Variants in DLG2 observed in about 807,000 individuals in gnomAD.
The protein encoded by DLG2 is discs large MAGUK scaffold protein 2.
In DLG2, 45 loss-of-function variants were observed where a neutral mutation model predicts 132.5. The observed-to-expected ratio is 0.34, with a 90% CI of 0.27 to 0.44. The LOEUF (loss-of-function observed/expected upper bound fraction) is 0.44, where lower values mean the gene tolerates loss of function less well. Ranked by LOEUF, DLG2 falls within the 20% of genes least tolerant of loss-of-function variation. DLG2 has a pLI of 1.00. For synonymous variants in DLG2, 424 were observed against 419.6 expected, an observed-to-expected ratio of 1.01 and a Z score of -0.13; for missense variants, 1,045 against 1,196.9, an observed-to-expected ratio of 0.87 and a Z score of 1.87.
At chr11:83,919,532 A>G (rs2077484136) in intron 15 of DLG2, among the ~76,000 whole-genome samples, 1 of 152,112 alleles carries the variant, frequency 6.6e-6, no homozygotes, top group African/African-American at 2.4e-5. Context: ...TTATTTTCTT[A>G]TTTCTCCTTT....
At chr11:85,420,900 A>G (rs2090247759) in intron 3 of DLG2, among the ~76,000 whole-genome samples, 1 of 152,198 alleles carries the variant, frequency 6.6e-6, no homozygotes, top group Non-Finnish European at 1.5e-5. Context: ...ACTGAGCTAG[A>G]CCACTTGGCT....
At chr11:84,057,781 G>A (rs1013321200) in intron 11 of DLG2, among the ~76,000 whole-genome samples, 1 of 152,068 alleles carries the variant, frequency 6.6e-6, no homozygotes, top group Admixed American at 6.6e-5. Flanking sequence ...ACATCTCTAG[G>A]AGCAAGTACT....
At chr11:85,171,115 G>A (rs980331716) in intron 4 of DLG2, among the ~76,000 whole-genome samples, 1 of 152,178 alleles carries the variant, frequency 6.6e-6, no homozygotes, top group Admixed American at 6.5e-5. Flanking sequence ...CTCAAGGGGT[G>A]CCAGATAAGA....
intron 7 of DLG2, among the ~76,000 whole-genome samples, chr11:84,385,610 G>A (rs1335621822): frequency 6.6e-6 from 1 of 152,072 alleles, no homozygotes; most frequent in African/African-American, 2.4e-5. Context: ...CAATTCTAGA[G>A]AACCAGGACC....
chr11:83,469,225 C>T lies in DLG2; in HGVS notation c.2595G>A (p.Gln865=), dbSNP rs201804609. The T allele has an allele frequency of 5.6e-6, 9 of 1,612,144 alleles. No homozygotes were observed. In the Admixed American group the frequency reaches 1.5e-4, roughly 27 times the overall value. Residue 865 remains glutamine, a synonymous_variant, in exon 25 of 28, where the codon CAG becomes CAA. Transcript: ENST00000376104. The part of the protein sequence containing the change: ...YNDNLYGTSV[Q]SVRFVAERGK... ...CTCTTTCTGCTACAAATCTCACAGA[C>T]TGCACACTGGTTCCATATAAATTGT...
At chr11:85,536,617 G>C (rs2075602744) in intron 3 of DLG2, among the ~76,000 whole-genome samples, 1 of 152,228 alleles carries the variant, frequency 6.6e-6, no homozygotes, top group Admixed American at 6.5e-5. Flanking sequence ...AGGGAAGTGT[G>C]AAGAGAGAGG....
At chr11:83,913,145 T>C (rs963805536) in intron 15 of DLG2, among the ~76,000 whole-genome samples, 1 of 152,152 alleles carries the variant, frequency 6.6e-6, no homozygotes, top group Non-Finnish European at 1.5e-5. Flanking sequence ...TATTCCATTC[T>C]TGATACCCTG....
In DLG2 at chr11:84,502,206, CCTTCCTTCCTTCCTT is replaced by C. The variant is rs2099211516; in HGVS notation, c.519+32349_519+32363del. ...TCTCTTTCTCTCTCTCTCTCTCCTT[CCTTCCTTCCTTCCTT>C]CCTTCCTTCCTTCCTTCCTTCCTTC... On this transcript the variant is annotated intron_variant, in intron 7 of 27. Transcript: ENST00000376104. 9.4e-5 allele frequency among the ~76,000 whole-genome samples: 2 copies of C among 21,282 alleles called. 1 individual carries two copies. Among genetic ancestry groups the C allele is most frequent in the Non-Finnish European group, 1.5e-4 (2 of 13,120 alleles). The allele number at this position is 21,282 out of a possible 152,430, so 14.0% of individuals were successfully genotyped here.
intron 6 of DLG2, among the ~76,000 whole-genome samples, chr11:84,872,434 T>C (rs1403306632): frequency 6.6e-6 from 1 of 152,180 alleles, no homozygotes; most frequent in African/African-American, 2.4e-5. Flanking sequence ...ACAGAGTCCT[T>C]GCCCTTGAGG....
At chr11:85,317,094 C>T (rs145913071) in intron 3 of DLG2, among the ~76,000 whole-genome samples, 227 of 151,930 alleles carry the variant, frequency 1.5e-3, no homozygotes, top group African/African-American at 4.7e-3. Context: ...AAAGTAAATA[C>T]AGAAGCATTG....
intron 3 of DLG2, among the ~76,000 whole-genome samples, chr11:85,403,506 A>T (rs549614630): frequency 2.5e-4 from 38 of 151,996 alleles, no homozygotes; most frequent in African/African-American, 8.4e-4. Flanking sequence ...AATTAAATTT[A>T]AAAAAAAGAA....
intron 19 of DLG2, among the ~76,000 whole-genome samples, chr11:83,555,598 TTTATTACCAGAATATA>T (rs1181916363): frequency 8.8e-5 from 13 of 147,080 alleles, no homozygotes; most frequent in African/African-American, 3.3e-4. Flanking sequence ...TTTTCAAAAT[TTTATTACCAGAATATA>T]TCATTTTTTT....
chr11:83,986,195 G>A (rs2093288456), intron 11 of DLG2, among the ~76,000 whole-genome samples: 1 of 151,054 alleles, frequency 6.6e-6, no homozygotes, highest in East Asian at 2.0e-4. Context: ...ATCTCCTAAA[G>A]CTATCCCTCC....
intron 18 of DLG2, among the ~76,000 whole-genome samples, chr11:83,714,744 T>G (rs1330887306): frequency 7.9e-5 from 12 of 152,228 alleles, no homozygotes; most frequent in Admixed American, 1.3e-4. Context: ...ATTATTATAC[T>G]TTAAGTTCTA....
At chr11:84,077,962 C>A (rs1420377295) in intron 10 of DLG2, among the ~76,000 whole-genome samples, 1 of 152,050 alleles carries the variant, frequency 6.6e-6, no homozygotes, top group Non-Finnish European at 1.5e-5. Flanking sequence ...TTTCTGTGAC[C>A]ATAAGATTCC....
chr11:84,549,940 G>C (rs1461236276), intron 6 of DLG2, among the ~76,000 whole-genome samples: 2 of 151,912 alleles, frequency 1.3e-5, no homozygotes, highest in Non-Finnish European at 2.9e-5. Context: ...TTTTTAAGTA[G>C]AGACAGTGTT....
intron 6 of DLG2, among the ~76,000 whole-genome samples, chr11:84,937,771 TTCAAAGA>T (rs1566451159): frequency 6.6e-6 from 1 of 152,154 alleles, no homozygotes; most frequent in African/African-American, 2.4e-5. Flanking sequence ...TTGATAGGAC[TTCAAAGA>T]TCAACAGAAA....
chr11:84,858,629 GAATT>G (rs1248082167), intron 6 of DLG2, among the ~76,000 whole-genome samples: 1 of 152,006 alleles, frequency 6.6e-6, no homozygotes, highest in Non-Finnish European at 1.5e-5. Context: ...ATATTTTTGT[GAATT>G]AATTAACACA....
intron 15 of DLG2, among the ~76,000 whole-genome samples, chr11:83,901,479 T>G (rs1264225657): frequency 6.6e-6 from 1 of 152,160 alleles, no homozygotes; most frequent in Non-Finnish European, 1.5e-5. Flanking sequence ...GTTCTTGTGA[T>G]AGTGGAGAAG....
Sources: allele counts gnomAD v4.1 joint callset (sites outside exome capture counted in the v4.1 genomes callset), GRCh38; gene constraint gnomAD v4.1.1; transcripts MANE v1.5; gene names NCBI Gene and HGNC (gene_info 2026-07-23, HGNC 2026-07-21).